GATA4: variants seen among roughly 807,000 people sequenced by gnomAD.
GATA4 encodes the protein transcription factor GATA-4.
GATA4 carries 7 observed loss-of-function variants against 37.9 expected under a neutral mutation model. The observed-to-expected ratio is 0.18, with a 90% CI of 0.11 to 0.35. The LOEUF (loss-of-function observed/expected upper bound fraction) is 0.35. GATA4 is among the 10% of genes least tolerant of loss of function. GATA4 has a pLI of 1.00. For synonymous variants in GATA4, 372 were observed against 292.6 expected, an observed-to-expected ratio of 1.27 and a Z score of -2.77; for missense variants, 647 against 653.0, an observed-to-expected ratio of 0.99 and a Z score of 0.10.
At chr8:11,723,819 CATAAG>C (rs1800787511) in intron 2 of GATA4, among the ~76,000 whole-genome samples, 1 of 152,192 alleles carries the variant, frequency 6.6e-6, no homozygotes, top group African/African-American at 2.4e-5. Flanking sequence ...TTAAACTATA[CATAAG>C]ATAAAATGTA....
chr8:11,737,656 GC>G (rs1735217106), intron 2 of GATA4, among the ~76,000 whole-genome samples: 1 of 152,204 alleles, frequency 6.6e-6, no homozygotes, highest in African/African-American at 2.4e-5. Flanking sequence ...AAAGATGACA[GC>G]GGGTCAACAG....
At chr8:11,696,990 C>T (rs1281511262) in intron 1 of GATA4, among the ~76,000 whole-genome samples, 1 of 152,196 alleles carries the variant, frequency 6.6e-6, no homozygotes, top group Admixed American at 6.5e-5. Flanking sequence ...CGGAGGCCCC[C>T]CGGGGAGATG....
rs1800006435 is a variant in GATA4 at position 11,708,564 on chromosome 8, G to C, written c.252G>C (p.Gln84His). The change falls in exon 2 of 7, where the codon CAG becomes CAC. Residue 84 changes from glutamine to histidine, a missense_variant. This residue lies in a region of GATA4 where 379 missense variants were observed against 334.5 expected (regional missense o/e 1.13). Transcript: ENST00000532059. This position sits in a 1 kb window ranked among gnomAD's most constrained non-coding sequence, Gnocchi z 6.7. ...AASGAGPGTQ[Q>H]GSPGWSQAGA... ...CTGGTGCGGGGCCCGGGACCCAGCA[G>C]GGCAGCCCGGGATGGAGCCAGGCGG... 2 of 1,385,108 alleles carry C rather than the reference G, an allele frequency of 1.4e-6. No homozygotes were observed. Among genetic ancestry groups the C allele is most frequent in the Non-Finnish European group, 1.9e-6 (2 of 1,076,282 alleles). 85.8% of individuals were successfully genotyped at this position (1,385,108 alleles called of 1,614,324 possible).
At position 11,730,464 on chromosome 8, in the gene GATA4, A is replaced by G. The variant is rs566657087; in HGVS notation, c.617-18452A>G. 2.0e-5 allele frequency among the ~76,000 whole-genome samples: 3 copies of G among 152,370 alleles called. No individual in the cohort carries two copies. The South Asian group carries it at 6.2e-4, about 32-fold the overall frequency. On this transcript the variant is annotated intron_variant, in intron 2 of 6. Coordinates refer to ENST00000532059, the MANE Select transcript of GATA4 (RefSeq NM_001308093.3). ...TAATGATTTTACTAAAAATCGGAAT[A>G]GAATGTGAAACAGGGGGATCTGAAG... is the stretch of plus-strand genomic sequence containing the variant.
At chr8:11,686,691 C>G (rs539582304) in intron 1 of GATA4, among the ~76,000 whole-genome samples, 1 of 152,306 alleles carries the variant, frequency 6.6e-6, no homozygotes, top group African/African-American at 2.4e-5. Context: ...CCCTTGTTGA[C>G]TTAATTCTCT....
rs144310087 is a variant in GATA4, at chr8:11,739,696, C to T, written c.617-9220C>T. Reference sequence around the variant, plus strand: ...CGGCCGCCTCATGGGACTCTCTAGGCACTGGGTTTGTTGAAACTCGATGGC... The same window carrying T: ...CGGCCGCCTCATGGGACTCTCTAGGTACTGGGTTTGTTGAAACTCGATGGC... On this transcript the variant is annotated intron_variant, in intron 2 of 6. Transcript: ENST00000532059. Among the ~76,000 whole-genome samples the T allele has an allele frequency of 2.1e-3, 312 of 147,386 alleles. 9 individuals are homozygous for T. Among genetic ancestry groups the T allele is most frequent in the African/African-American group, 8.0e-3 (307 of 38,270 alleles).
chr8:11,734,824 A>T (rs1318229245), intron 2 of GATA4, among the ~76,000 whole-genome samples: 1 of 152,172 alleles, frequency 6.6e-6, no homozygotes, highest in Non-Finnish European at 1.5e-5. Context: ...AATCCCATTC[A>T]TGAGGGCTCC....
chr8:11,697,558 G>A (rs1799542332), intron 1 of GATA4: 8 of 985,284 alleles, frequency 8.1e-6, no homozygotes, highest in Admixed American at 6.1e-5. Flanking sequence ...CCCCTCCACC[G>A]CCAGGGAAGC....
upstream of GATA4, among the ~76,000 whole-genome samples, chr8:11,702,423 C>T (rs750106314): frequency 6.6e-6 from 1 of 151,976 alleles, no homozygotes; most frequent in Non-Finnish European, 1.5e-5. The surrounding 1 kb of genome is among the most constrained non-coding windows in gnomAD (Gnocchi z 4.4). Context: ...TCCAGGAAGG[C>T]CTTGCAGGTC....
At chr8:11,710,532 A>G (rs1800132014) in intron 2 of GATA4, among the ~76,000 whole-genome samples, 1 of 151,532 alleles carries the variant, frequency 6.6e-6, no homozygotes, top group African/African-American at 2.4e-5. Flanking sequence ...TACAAAAAAA[A>G]AAAAAAAAAT....
upstream of GATA4, among the ~76,000 whole-genome samples, chr8:11,699,491 C>T (rs1396481539): frequency 2.0e-5 from 3 of 152,216 alleles, no homozygotes; most frequent in East Asian, 5.8e-4. Context: ...TGGTGGGTGG[C>T]CTGGGCAGTA....
upstream of GATA4, among the ~76,000 whole-genome samples, chr8:11,703,409 A>C (rs1799753179): frequency 6.6e-6 from 1 of 150,444 alleles, no homozygotes; most frequent in Non-Finnish European, 1.5e-5. Context: ...CCCCTCCCCC[A>C]TACCCTGGAA....
chr8:11,757,115 T>C (rs1418193505), intron 6 of GATA4, 32 bp downstream of exon 6: 3 of 1,611,104 alleles, frequency 1.9e-6, no homozygotes, highest in Non-Finnish European at 2.5e-6. Context: ...CCAGGGCTGT[T>C]TGTGGGGAGG....
intron 2 of GATA4, among the ~76,000 whole-genome samples, chr8:11,719,466 T>C (rs575480047): frequency 6.6e-6 from 1 of 152,264 alleles, no homozygotes; most frequent in Non-Finnish European, 1.5e-5. Context: ...CAGGCAAAAA[T>C]GGCTTCAGAG....
At chr8:11,700,147 G>A (rs905236912), upstream of GATA4, among the ~76,000 whole-genome samples, 1 of 152,168 alleles carries the variant, frequency 6.6e-6, no homozygotes, top group African/African-American at 2.4e-5. Context: ...AGAGAAAAAT[G>A]AGATTTGAAA....
At chr8:11,710,878 T>A (rs147289992) in intron 2 of GATA4, among the ~76,000 whole-genome samples, 2 of 151,970 alleles carry the variant, frequency 1.3e-5, no homozygotes, top group Non-Finnish European at 2.9e-5. Flanking sequence ...TCCCAGCACT[T>A]TGGGAGGCCG....
In GATA4 at chr8:11,711,863, T is replaced by C. The variant is rs145466208; in HGVS notation, c.616+2935T>C. On this transcript the variant is annotated intron_variant, in intron 2 of 6. Transcript: ENST00000532059. Reference sequence around the variant, plus strand: ...AGCTTTAGTGAGGACCAGCATCACATAGTAGCTGACCCTGAGTCATGGAGG... The same window carrying C: ...AGCTTTAGTGAGGACCAGCATCACACAGTAGCTGACCCTGAGTCATGGAGG... 2.0e-3 allele frequency among the ~76,000 whole-genome samples: 310 copies of C among 151,488 alleles called. 3 individuals carry two copies. The highest frequency in any genetic ancestry group is 7.3e-3 in the African/African-American group (303 of 41,342).
At chr8:11,724,646 C>T (rs1800830044) in intron 2 of GATA4, among the ~76,000 whole-genome samples, 2 of 152,240 alleles carry the variant, frequency 1.3e-5, no homozygotes, top group African/African-American at 4.8e-5. Flanking sequence ...GTGGGCTCCT[C>T]ATCACCTTCG....
chr8:11,732,035 G>T (rs1801236061), intron 2 of GATA4, among the ~76,000 whole-genome samples: 2 of 152,170 alleles, frequency 1.3e-5, no homozygotes, highest in African/African-American at 4.8e-5. Flanking sequence ...GTGGAAAATG[G>T]TGATTTTTAA....
Sources: gnomAD v4.1 joint callset for allele counts (sites outside exome capture counted in the v4.1 genomes callset) on GRCh38, gnomAD v4.1.1 for gene constraint, gnomAD v4.1.1 regional missense constraint, Gnocchi (gnomAD v3.1) non-coding constraint, MANE v1.5 for transcripts, NCBI Gene and HGNC (gene_info 2026-07-23, HGNC 2026-07-21) for gene names.